Variants in PTPRD observed in about 807,000 individuals in gnomAD.
PTPRD encodes receptor-type tyrosine-protein phosphatase delta.
A neutral mutation model predicts 214.5 loss-of-function variants in PTPRD; 34 were observed. The ratio of observed to expected loss-of-function variants is 0.16; its 90% CI spans 0.12 to 0.21. The LOEUF is 0.21. Ranked by LOEUF, PTPRD falls within the 10% of genes least tolerant of loss-of-function variation. The pLI is 1.00. For missense variants in PTPRD, 2,545 were observed against 2,398.7 expected, an observed-to-expected ratio of 1.06 and a Z score of -1.27; for synonymous variants, 1,128 against 845.7, an observed-to-expected ratio of 1.33 and a Z score of -5.79.
intron 11 of PTPRD, among the ~76,000 whole-genome samples, chr9:8,777,162 A>G (rs539618787): frequency 2.0e-5 from 3 of 151,730 alleles, no homozygotes; most frequent in South Asian, 4.2e-4. Flanking sequence ...GTTGTTTTTT[A>G]GAGATGGGGG....
intron 2 of PTPRD, among the ~76,000 whole-genome samples, chr9:10,461,782 C>T (rs1033572390): frequency 6.6e-6 from 1 of 151,962 alleles, no homozygotes; most frequent in Non-Finnish European, 1.5e-5. Context: ...GCCTCCAGGC[C>T]CAGCTAATTT....
rs1206996557 is a variant in PTPRD at position 10,499,027 on chromosome 9, T to C, written c.-600+113371A>G. Among the ~76,000 whole-genome samples, 395 of 144,468 alleles carry C rather than the reference T, an allele frequency of 2.7e-3. 178 individuals are homozygous for C. The highest frequency in any genetic ancestry group is 9.9e-3 in the African/African-American group (379 of 38,152). 94.8% of individuals were successfully genotyped at this position (144,468 alleles called of 152,430 possible). ...TCCAGCCTGGGCGACAGAGCGAGAC[T>C]CCGTCTCAAAAAAAAAAAAAAAAAA... is the stretch of plus-strand genomic sequence containing the variant. On this transcript the variant is annotated intron_variant, in intron 2 of 45. Transcript: ENST00000381196.
At chr9:9,331,162 T>C (rs189854762) in intron 9 of PTPRD, among the ~76,000 whole-genome samples, 1 of 152,190 alleles carries the variant, frequency 6.6e-6, no homozygotes, top group African/African-American at 2.4e-5. Flanking sequence ...TGATAATGCT[T>C]AACATGCGTT....
intron 39 of PTPRD, among the ~76,000 whole-genome samples, chr9:8,363,492 G>A (rs979814380): frequency 2.6e-5 from 4 of 152,070 alleles, no homozygotes; most frequent in African/African-American, 9.7e-5. Context: ...AAGATCAGGT[G>A]GCTGTTCTGA....
intron 34 of PTPRD, among the ~76,000 whole-genome samples, chr9:8,443,593 G>T (rs2095621397): frequency 6.6e-6 from 1 of 152,166 alleles, no homozygotes; most frequent in Admixed American, 6.5e-5. Context: ...AGGTCTTTGT[G>T]TTGTAACATC....
At chr9:10,314,478 G>T (rs182643556) in intron 3 of PTPRD, among the ~76,000 whole-genome samples, 1 of 152,026 alleles carries the variant, frequency 6.6e-6, no homozygotes. Context: ...GGCAGTGGAC[G>T]ATGAGTTTAG....
intron 8 of PTPRD, among the ~76,000 whole-genome samples, chr9:9,469,099 C>G (rs1197983036): frequency 9.2e-5 from 14 of 151,896 alleles, no homozygotes; most frequent in Non-Finnish European, 2.9e-5. Context: ...TTATCACATA[C>G]AATATATAAC....
chr9:9,139,339 A>AT (rs749491489), intron 10 of PTPRD, among the ~76,000 whole-genome samples: 1 of 152,100 alleles, frequency 6.6e-6, no homozygotes, highest in Non-Finnish European at 1.5e-5. Flanking sequence ...AAAAAAATTG[A>AT]TTTTCTTATA....
intron 12 of PTPRD, among the ~76,000 whole-genome samples, chr9:8,658,586 T>C (rs1211650660): frequency 6.6e-6 from 1 of 151,346 alleles, no homozygotes; most frequent in Non-Finnish European, 1.5e-5. Context: ...CTCATACGTA[T>C]CCTCAGAGAT....
At chr9:9,267,874 A>T (rs1224888419) in intron 9 of PTPRD, among the ~76,000 whole-genome samples, 2 of 151,194 alleles carry the variant, frequency 1.3e-5, no homozygotes, top group Non-Finnish European at 3.0e-5. Flanking sequence ...GAAGGAATAT[A>T]CTTCAACATT....
intron 10 of PTPRD, among the ~76,000 whole-genome samples, chr9:9,051,576 A>C (rs971278128): frequency 1.3e-5 from 2 of 152,182 alleles, no homozygotes; most frequent in Admixed American, 6.6e-5. Context: ...ATTTCAGGAA[A>C]AACTTGCAAA....
At chr9:9,670,685 G>T (rs1306317870) in intron 7 of PTPRD, among the ~76,000 whole-genome samples, 2 of 152,158 alleles carry the variant, frequency 1.3e-5, no homozygotes, top group Non-Finnish European at 2.9e-5. Flanking sequence ...GGCTGAAAGT[G>T]GCCAACATAG....
At position 10,486,914 on chromosome 9, in the gene PTPRD, AGC is replaced by A. The variant is rs1234048500; in HGVS notation, c.-600+125482_-600+125483del. 4.7e-4 allele frequency among the ~76,000 whole-genome samples: 72 copies of A among 152,168 alleles called. 2 individuals carry two copies. The highest frequency in any genetic ancestry group is 2.2e-4 in the Non-Finnish European group (15 of 68,020). On this transcript the variant is annotated intron_variant, in intron 2 of 45. Transcript: ENST00000381196. ...TTGAATATGTGGTGTTGAAATCTCCAGCTATTATTTTATTGGGGCCTACATCT... is the reference window on the plus strand; with the variant it reads ...TTGAATATGTGGTGTTGAAATCTCCATATTATTTTATTGGGGCCTACATCT...
chr9:9,925,255 A>C (rs2083864945), intron 5 of PTPRD, among the ~76,000 whole-genome samples: 2 of 152,114 alleles, frequency 1.3e-5, no homozygotes, highest in South Asian at 4.1e-4. Flanking sequence ...GAAAGTTCTT[A>C]TTACAGGGTA....
In PTPRD at chr9:9,766,411, TC is replaced by T. The variant is rs759169421; in HGVS notation, c.-326+398del. 4.2e-3 allele frequency among the ~76,000 whole-genome samples: 634 copies of T among 152,260 alleles called. 3 individuals carry two copies. Among genetic ancestry groups the T allele is most frequent in the Non-Finnish European group, 5.6e-3 (379 of 67,996 alleles). ...ATTCTAAATGTATTTCTCTATTTGT[TC>T]CCCCAAAACCTAGATACTTTTAGGT... On this transcript the variant is annotated intron_variant, in intron 6 of 45. Transcript: ENST00000381196.
intron 12 of PTPRD, among the ~76,000 whole-genome samples, chr9:8,708,491 T>G (rs2098256030): frequency 6.6e-6 from 1 of 151,586 alleles, no homozygotes; most frequent in South Asian, 2.1e-4. Context: ...CTGACCAACA[T>G]GGTGAAACCC....
chr9:9,780,034 T>G (rs759883738), intron 5 of PTPRD, among the ~76,000 whole-genome samples: 1 of 152,210 alleles, frequency 6.6e-6, no homozygotes, highest in Non-Finnish European at 1.5e-5. Flanking sequence ...GGATTGGATT[T>G]CTTTTTTTAA....
intron 2 of PTPRD, among the ~76,000 whole-genome samples, chr9:10,461,001 G>C (rs1018652765): frequency 6.6e-6 from 1 of 151,688 alleles, no homozygotes; most frequent in Admixed American, 6.6e-5. Flanking sequence ...AACAAATAAG[G>C]GGTTAATATC....
chr9:9,275,120 T>A (rs78867239), intron 9 of PTPRD, among the ~76,000 whole-genome samples: 13 of 53,980 alleles, frequency 2.4e-4, no homozygotes, highest in South Asian at 4.3e-4. Flanking sequence ...ATATATATAT[T>A]ATATATATTA....
Sources: gnomAD v4.1 joint callset for allele counts (sites outside exome capture counted in the v4.1 genomes callset) on GRCh38, gnomAD v4.1.1 for gene constraint, MANE v1.5 for transcripts, NCBI Gene and HGNC (gene_info 2026-07-23, HGNC 2026-07-21) for gene names.